The following ADCY8 variants were observed in gnomAD, a reference collection of about 807,000 sequenced individuals.
The protein encoded by ADCY8 is adenylate cyclase 8, also known as adenylate cyclase type 8.
In ADCY8, 51 loss-of-function variants were observed where a neutral mutation model predicts 119.7. That is an observed-to-expected ratio of 0.43 (90% CI 0.34 to 0.54). The LOEUF (loss-of-function observed/expected upper bound fraction) is 0.54, where lower values mean the gene tolerates loss of function less well. ADCY8 is among the 20% of genes least tolerant of loss of function. ADCY8 has a pLI of 0.03. For synonymous variants in ADCY8, 665 were observed against 651.0 expected (o/e 1.02, Z -0.33); for missense variants, 1,383 against 1,598.8 (o/e 0.87, Z 2.30).
chr8:130,985,976 A>G (rs1237079645), intron 2 of ADCY8, among the ~76,000 whole-genome samples: 1 of 152,232 alleles, frequency 6.6e-6, no homozygotes, highest in East Asian at 1.9e-4. Flanking sequence ...TGATTACCAT[A>G]AGGAGGTTTA....
chr8:130,867,296 T>C (rs146014998), intron 9 of ADCY8, among the ~76,000 whole-genome samples: 1 of 152,292 alleles, frequency 6.6e-6, no homozygotes, highest in East Asian at 1.9e-4. Context: ...TCTTGAACTA[T>C]GGGATCTTAG....
At chr8:131,013,668 G>T (rs1400954514) in intron 1 of ADCY8, among the ~76,000 whole-genome samples, 2 of 152,128 alleles carry the variant, frequency 1.3e-5, no homozygotes, top group Non-Finnish European at 2.9e-5. Flanking sequence ...AAGGGTGTGT[G>T]GTGTAATGTG....
chr8:130,998,663 G>T (rs11775091), intron 1 of ADCY8, among the ~76,000 whole-genome samples: 14,344 of 152,240 alleles, frequency 0.094, 844 homozygotes, highest in East Asian at 0.18. Context: ...GACAGTCAGG[G>T]AGACAAGTTA....
intron 2 of ADCY8, among the ~76,000 whole-genome samples, chr8:130,961,683 G>T (rs7009300): frequency 0.8 from 121,577 of 152,096 alleles, 51,290 homozygotes; most frequent in East Asian, 0.95. Context: ...ACAGATGCTT[G>T]GAAGACAGTG....
chr8:131,017,184 C>T (rs1823503184), intron 1 of ADCY8, among the ~76,000 whole-genome samples: 2 of 152,078 alleles, frequency 1.3e-5, no homozygotes, highest in African/African-American at 2.4e-5. Context: ...ATTCTCATAC[C>T]TCAGCCTCCC....
chr8:131,014,653 T>C (rs1823413589), intron 1 of ADCY8, among the ~76,000 whole-genome samples: 1 of 152,206 alleles, frequency 6.6e-6, no homozygotes, highest in South Asian at 2.1e-4. Flanking sequence ...GATCTGTTTT[T>C]GGGATTTGAA....
intron 9 of ADCY8, among the ~76,000 whole-genome samples, chr8:130,855,728 C>T (rs1248388140): frequency 6.6e-6 from 1 of 152,136 alleles, no homozygotes; most frequent in Non-Finnish European, 1.5e-5. Context: ...CTCTCATCCC[C>T]CACATCCAGC....
At chr8:130,971,649 C>G (rs1335561984) in intron 2 of ADCY8, among the ~76,000 whole-genome samples, 1 of 152,136 alleles carries the variant, frequency 6.6e-6, no homozygotes, top group Non-Finnish European at 1.5e-5. Context: ...AGGTTAAAGA[C>G]AGTGCAAGCC....
Position 130,974,124 on chromosome 8 carries a change from T to C in ADCY8, c.1110+16269A>G, listed in dbSNP as rs577955585. On this transcript the variant is annotated intron_variant, in intron 2 of 17. Coordinates refer to ENST00000286355, the MANE Select transcript of ADCY8 (RefSeq NM_001115.3). ...TAGCAACCTATCCAACAAAGCACCC[T>C]TCGTTTGTGTGGCCCATTATCCCTT... Among the ~76,000 whole-genome samples the C allele has an allele frequency of 3.9e-5, 6 of 152,344 alleles. No individual in the cohort carries two copies. In the East Asian group the frequency reaches 1.2e-3, roughly 29 times the overall value.
At chr8:130,880,838 C>A (rs770265386) in intron 8 of ADCY8, among the ~76,000 whole-genome samples, 4 of 152,166 alleles carry the variant, frequency 2.6e-5, no homozygotes, top group Non-Finnish European at 5.9e-5. Context: ...CTGGGCAAAC[C>A]AGGACATATG....
At chr8:130,926,561 A>G (rs1820472696) in intron 5 of ADCY8, among the ~76,000 whole-genome samples, 2 of 152,230 alleles carry the variant, frequency 1.3e-5, no homozygotes, top group African/African-American at 4.8e-5. Flanking sequence ...TAATTAACAC[A>G]TGTATTACCT....
chr8:130,846,888 TTTCCTTCC>T (rs767208726), intron 11 of ADCY8, among the ~76,000 whole-genome samples: 819 of 19,738 alleles, frequency 0.041, 22 homozygotes, highest in Non-Finnish European at 0.052. Flanking sequence ...TTCCCTTCCC[TTTCCTTCC>T]TTCCTTCCTT....
intron 9 of ADCY8, among the ~76,000 whole-genome samples, chr8:130,853,295 G>T (rs60407317): frequency 0.083 from 12,597 of 152,310 alleles, 550 homozygotes; most frequent in Non-Finnish European, 0.099. Flanking sequence ...AAGGAAGAAA[G>T]CCCAGGTTGG....
chr8:130,807,149 A>G (rs1364010243), intron 14 of ADCY8, among the ~76,000 whole-genome samples: 2 of 152,228 alleles, frequency 1.3e-5, no homozygotes, highest in Non-Finnish European at 2.9e-5. Flanking sequence ...GCACACCTGC[A>G]TATGTCAGTA....
chr8:130,805,204 A>G (rs2130129472), intron 14 of ADCY8, among the ~76,000 whole-genome samples: 1 of 152,312 alleles, frequency 6.6e-6, no homozygotes, highest in Middle Eastern at 3.4e-3. Context: ...ATCTCATTTA[A>G]TGTTTACCAT....
chr8:130,842,338 C>A (rs1160782315), intron 11 of ADCY8, among the ~76,000 whole-genome samples: 2 of 151,998 alleles, frequency 1.3e-5, no homozygotes, highest in Non-Finnish European at 2.9e-5. Context: ...ACTCATGCCA[C>A]CATTTCTTTA....
Position 130,936,073 on chromosome 8 carries a change from A to G in ADCY8, c.1481+1000T>C, listed in dbSNP as rs868328354. Among the ~76,000 whole-genome samples, 238 of 147,180 alleles carry G rather than the reference A, an allele frequency of 1.6e-3. 1 individual carries two copies. Among genetic ancestry groups the G allele is most frequent in the African/African-American group, 2.5e-3 (98 of 38,922 alleles). ...GGGTGTTAGTCACCCAAGCACTGACATGTGTGTGTGTGTGTGTGTGTGTGT... is the reference window on the plus strand; with the variant it reads ...GGGTGTTAGTCACCCAAGCACTGACGTGTGTGTGTGTGTGTGTGTGTGTGT... On this transcript the variant is annotated intron_variant, in intron 5 of 17. Transcript: ENST00000286355.
intron 8 of ADCY8, among the ~76,000 whole-genome samples, chr8:130,875,245 G>A (rs1586516592): frequency 1.3e-5 from 2 of 152,116 alleles, no homozygotes; most frequent in Non-Finnish European, 2.9e-5. Flanking sequence ...ATTTCTTCCC[G>A]AAGCCTCTTT....
chr8:130,990,025 A>G (rs16904395), intron 2 of ADCY8, among the ~76,000 whole-genome samples: 15,919 of 152,148 alleles, frequency 0.1, 2,691 homozygotes, highest in African/African-American at 0.35. Flanking sequence ...TGGTAAACAG[A>G]AAAAAAATGT....
Sources: allele counts gnomAD v4.1 joint callset (sites outside exome capture counted in the v4.1 genomes callset), GRCh38; gene constraint gnomAD v4.1.1; transcripts MANE v1.5; gene names NCBI Gene and HGNC (gene_info 2026-07-23, HGNC 2026-07-21).